ARL15: variants seen among roughly 807,000 people sequenced by gnomAD.
The protein encoded by ARL15 is ADP-ribosylation factor-like protein 15.
In ARL15, 19 loss-of-function variants were observed where a neutral mutation model predicts 25.2. That is an observed-to-expected ratio of 0.75 (90% CI 0.53 to 1.10). The LOEUF (loss-of-function observed/expected upper bound fraction) is 1.10, where lower values mean the gene tolerates loss of function less well. Among genes scored for constraint, ARL15 ranks in the 50% least tolerant of loss-of-function variants. The probability of loss-of-function intolerance (pLI) is 0.00; values close to 1 mark genes in which losing one functional copy is unlikely to be tolerated. For synonymous variants in ARL15, 94 were observed against 86.8 expected, an observed-to-expected ratio of 1.08 and a Z score of -0.46; for missense variants, 220 against 246.0, an observed-to-expected ratio of 0.89 and a Z score of 0.71.
At chr5:54,128,659 C>T (rs1753334943) in intron 3 of ARL15, among the ~76,000 whole-genome samples, 1 of 151,840 alleles carries the variant, frequency 6.6e-6, no homozygotes, top group South Asian at 2.1e-4. Flanking sequence ...TAGGCTTCAA[C>T]CTATCTCTGA....
chr5:53,897,654 C>A (rs1476460842), intron 4 of ARL15, among the ~76,000 whole-genome samples: 1 of 152,132 alleles, frequency 6.6e-6, no homozygotes, highest in African/African-American at 2.4e-5. Flanking sequence ...TTGACATGAT[C>A]TATTAACATG....
intron 1 of ARL15, among the ~76,000 whole-genome samples, chr5:54,224,440 G>A (rs544803129): frequency 3.4e-4 from 52 of 152,210 alleles, no homozygotes; most frequent in Middle Eastern, 3.4e-3. Context: ...TGCAATAGGC[G>A]GAATTAGAGA....
At chr5:54,028,542 A>G (rs1749862804) in intron 4 of ARL15, among the ~76,000 whole-genome samples, 1 of 151,874 alleles carries the variant, frequency 6.6e-6, no homozygotes, top group African/African-American at 2.4e-5. Flanking sequence ...ACTGAATGCA[A>G]TAACATTTTC....
At chr5:54,194,037 A>T (rs1755482437) in intron 1 of ARL15, among the ~76,000 whole-genome samples, 1 of 152,094 alleles carries the variant, frequency 6.6e-6, no homozygotes, top group Admixed American at 6.6e-5. Context: ...CCCCTGGGAG[A>T]CTATGGTAGT....
At chr5:54,120,510 C>T (rs983782652) in intron 3 of ARL15, among the ~76,000 whole-genome samples, 1 of 152,124 alleles carries the variant, frequency 6.6e-6, no homozygotes, top group Non-Finnish European at 1.5e-5. Context: ...AGAATCAGTA[C>T]CCAAGAGAAA....
At chr5:54,283,255 G>GCC (rs1312585989) in intron 1 of ARL15, among the ~76,000 whole-genome samples, 1 of 152,180 alleles carries the variant, frequency 6.6e-6, no homozygotes, top group Non-Finnish European at 1.5e-5. Context: ...AAAGGCTCTT[G>GCC]CCCCTTTAGA....
At chr5:54,132,989 A>G (rs1258974541) in intron 3 of ARL15, among the ~76,000 whole-genome samples, 1 of 152,238 alleles carries the variant, frequency 6.6e-6, no homozygotes, top group East Asian at 1.9e-4. Context: ...CCAATAACAA[A>G]GACAATAGAA....
At chr5:53,988,129 T>A (rs1748356256) in intron 4 of ARL15, among the ~76,000 whole-genome samples, 1 of 148,216 alleles carries the variant, frequency 6.7e-6, no homozygotes, top group African/African-American at 2.5e-5. Flanking sequence ...ATAATAATAA[T>A]GATAATAATA....
At chr5:54,082,457 G>A (rs772211288) in intron 4 of ARL15, among the ~76,000 whole-genome samples, 7 of 151,916 alleles carry the variant, frequency 4.6e-5, no homozygotes, top group Non-Finnish European at 7.4e-5. Context: ...ATATACATAC[G>A]TGTGTGTATA....
intron 1 of ARL15, among the ~76,000 whole-genome samples, chr5:54,206,702 A>G (rs1009102408): frequency 6.6e-6 from 1 of 152,212 alleles, no homozygotes; most frequent in African/African-American, 2.4e-5. Flanking sequence ...GAGGGGAAAA[A>G]GAACTTGATT....
Position 54,164,550 on chromosome 5 carries a change from T to C in ARL15, c.193+7234A>G, listed in dbSNP as rs148818100. On this transcript the variant is annotated intron_variant, in intron 2 of 4. Transcript: ENST00000504924. ...TCATATATTTTTAAGTTCTGTTAGG[T>C]ACATAAATGTGTAGAATTATTACAG... Among the ~76,000 whole-genome samples, 399 of 152,224 alleles carry C rather than the reference T, an allele frequency of 2.6e-3. 4 individuals are homozygous for C. Among genetic ancestry groups the C allele is most frequent in the African/African-American group, 9.2e-3 (381 of 41,580 alleles).
At chr5:54,123,124 T>C (rs1033024388) in intron 3 of ARL15, among the ~76,000 whole-genome samples, 9 of 152,052 alleles carry the variant, frequency 5.9e-5, no homozygotes, top group African/African-American at 2.2e-4. Context: ...TTTTTTTTTT[T>C]TTGAGACGGA....
At chr5:54,092,628 C>T (rs1412306675) in intron 4 of ARL15, among the ~76,000 whole-genome samples, 1 of 152,082 alleles carries the variant, frequency 6.6e-6, no homozygotes, top group Non-Finnish European at 1.5e-5. Context: ...TTGCATTATT[C>T]CTTAAAGCGT....
At chr5:54,126,880 A>G (rs1753270039) in intron 3 of ARL15, among the ~76,000 whole-genome samples, 1 of 151,856 alleles carries the variant, frequency 6.6e-6, no homozygotes, top group Non-Finnish European at 1.5e-5. Context: ...TTTAAGTTTT[A>G]GGGTACATGT....
chr5:54,236,199 C>A (rs1016706804), intron 1 of ARL15, among the ~76,000 whole-genome samples: 1 of 152,168 alleles, frequency 6.6e-6, no homozygotes, highest in Non-Finnish European at 1.5e-5. Context: ...AGTGTCTGAT[C>A]GGATAACTAT....
At chr5:54,178,059 C>T (rs1000655991) in intron 1 of ARL15, among the ~76,000 whole-genome samples, 2 of 152,184 alleles carry the variant, frequency 1.3e-5, no homozygotes, top group Non-Finnish European at 2.9e-5. Flanking sequence ...GTTCAAAAAG[C>T]TTAATCTTAC....
intron 4 of ARL15, among the ~76,000 whole-genome samples, chr5:53,892,216 A>C (rs1324234238): frequency 6.6e-6 from 1 of 152,238 alleles, no homozygotes. Flanking sequence ...AGACTGTTAA[A>C]ATAAACTTTA....
At chr5:53,925,543 C>T (rs1745991728) in intron 4 of ARL15, among the ~76,000 whole-genome samples, 1 of 152,186 alleles carries the variant, frequency 6.6e-6, no homozygotes, top group African/African-American at 2.4e-5. Context: ...TGGCTCATGC[C>T]TGTAATCTCA....
rs1007814859 is a variant in ARL15, at chr5:54,064,876, T to C, written c.462+48326A>G. Among the ~76,000 whole-genome samples, 10 of 152,334 alleles carry C rather than the reference T, an allele frequency of 6.6e-5. No homozygotes were observed. In the East Asian group the frequency reaches 1.7e-3, roughly 26 times the overall value. On this transcript the variant is annotated intron_variant, in intron 4 of 4. Transcript: ENST00000504924. ...TAGTGGGTTACAAAACCCACATTTA[T>C]GGATAGCCAACTTTTTGTATACTTG...
Sources: allele counts gnomAD v4.1 joint callset (sites outside exome capture counted in the v4.1 genomes callset), GRCh38; gene constraint gnomAD v4.1.1; transcripts MANE v1.5; gene names NCBI Gene and HGNC (gene_info 2026-07-23, HGNC 2026-07-21).